The following VTI1A variants were observed in gnomAD, a reference collection of about 807,000 sequenced individuals.
VTI1A encodes the protein vesicle transport through interaction with t-SNAREs homolog 1A.
Under a neutral mutation model 34.9 loss-of-function variants are expected in VTI1A, and 22 were observed. That is an observed-to-expected ratio of 0.63 (90% confidence interval 0.45 to 0.90). The LOEUF (loss-of-function observed/expected upper bound fraction) is 0.90, where lower values mean the gene tolerates loss of function less well. VTI1A is among the 40% of genes least tolerant of loss of function. The probability of loss-of-function intolerance (pLI) is 0.00; values close to 1 mark genes in which losing one functional copy is unlikely to be tolerated. For missense variants in VTI1A, 268 were observed against 275.6 expected, an observed-to-expected ratio of 0.97 and a Z score of 0.20; for synonymous variants, 87 against 97.3, an observed-to-expected ratio of 0.89 and a Z score of 0.62.
chr10:112,820,102 C>G (rs867400209), downstream of VTI1A, among the ~76,000 whole-genome samples: 2 of 152,202 alleles, frequency 1.3e-5, no homozygotes. Flanking sequence ...GACCTGGCCT[C>G]AAGCCTCTTT....
intron 3 of VTI1A, among the ~76,000 whole-genome samples, chr10:112,500,159 G>A (rs1184515453): frequency 6.6e-6 from 1 of 152,270 alleles, no homozygotes; most frequent in African/African-American, 2.4e-5. Context: ...TGCCAAGGCC[G>A]GGTGTGGTGA....
intron 7 of VTI1A, among the ~76,000 whole-genome samples, chr10:112,773,350 T>G (rs1040070549): frequency 2.6e-5 from 4 of 152,168 alleles, no homozygotes; most frequent in African/African-American, 9.7e-5. Context: ...TGTTCACACT[T>G]ATCACACTCC....
At chr10:112,802,606 A>C (rs1329079926) in intron 7 of VTI1A, among the ~76,000 whole-genome samples, 4 of 152,196 alleles carry the variant, frequency 2.6e-5, no homozygotes, top group Non-Finnish European at 4.4e-5. Context: ...AGCTGTCCTC[A>C]CTGCAGTGGA....
intron 3 of VTI1A, among the ~76,000 whole-genome samples, chr10:112,509,278 C>T (rs1031266515): frequency 6.6e-6 from 1 of 152,128 alleles, no homozygotes; most frequent in African/African-American, 2.4e-5. Context: ...AAAGACAAAG[C>T]TGGAATTTGA....
intron 7 of VTI1A, among the ~76,000 whole-genome samples, chr10:112,774,547 AG>A (rs1015673856): frequency 5.3e-5 from 8 of 152,146 alleles, no homozygotes; most frequent in Admixed American, 2.6e-4. Flanking sequence ...AATTAATCTC[AG>A]GAGGAACAAC....
At chr10:112,823,256 G>A (rs1479171572), downstream of VTI1A, among the ~76,000 whole-genome samples, 1 of 152,234 alleles carries the variant, frequency 6.6e-6, no homozygotes, top group Non-Finnish European at 1.5e-5. Context: ...GACTGGCCTA[G>A]GAGAGGCCAG....
chr10:112,790,831 C>T (rs1450976076), intron 7 of VTI1A, among the ~76,000 whole-genome samples: 1 of 148,776 alleles, frequency 6.7e-6, no homozygotes, highest in Non-Finnish European at 1.5e-5. Context: ...CCTCTTCGCT[C>T]ATAGCTGGAA....
At chr10:112,846,276 A>G in the VTI1A span, among the ~76,000 whole-genome samples, 106,391 of 152,112 alleles carry the variant, frequency 0.7, 38,128 homozygotes, top group Middle Eastern at 0.82. Context: ...AAGGGGCATA[A>G]GAAGTCCCAT....
chr10:112,571,203 C>A (rs1300812914), intron 5 of VTI1A, among the ~76,000 whole-genome samples: 1 of 152,160 alleles, frequency 6.6e-6, no homozygotes, highest in Non-Finnish European at 1.5e-5. Flanking sequence ...TTCTTAGTTC[C>A]CCATTTTACT....
chr10:112,518,698 G>A (rs1589854984), intron 3 of VTI1A, among the ~76,000 whole-genome samples: 1 of 149,310 alleles, frequency 6.7e-6, no homozygotes, highest in African/African-American at 2.5e-5. Context: ...TTTTTAAAAT[G>A]TGTAAAGCTG....
At chr10:112,727,488 A>T (rs923992563) in intron 7 of VTI1A, among the ~76,000 whole-genome samples, 19 of 152,284 alleles carry the variant, frequency 1.2e-4, no homozygotes, top group African/African-American at 4.6e-4. Flanking sequence ...AAAAAATATG[A>T]TAGGAAATAA....
At chr10:112,461,247 T>TCTAGCAGCCTATAA (rs1847716067) in intron 2 of VTI1A, among the ~76,000 whole-genome samples, 1 of 152,170 alleles carries the variant, frequency 6.6e-6, no homozygotes, top group Admixed American at 6.5e-5. Context: ...TGTGCCACTT[T>TCTAGCAGCCTATAA]CTAGCAGCCT....
At chr10:112,753,509 C>T (rs1255551366) in intron 7 of VTI1A, among the ~76,000 whole-genome samples, 1 of 152,038 alleles carries the variant, frequency 6.6e-6, no homozygotes, top group Non-Finnish European at 1.5e-5. Context: ...GAGACAAAAC[C>T]TGTAATTACT....
intron 5 of VTI1A, among the ~76,000 whole-genome samples, chr10:112,661,454 T>C (rs998874479): frequency 6.6e-6 from 1 of 152,190 alleles, no homozygotes; most frequent in Non-Finnish European, 1.5e-5. Context: ...TTTCTGATGT[T>C]CATCATTCTT....
chr10:112,665,838 C>T (rs1290016348), intron 5 of VTI1A, among the ~76,000 whole-genome samples: 4 of 152,088 alleles, frequency 2.6e-5, no homozygotes, highest in African/African-American at 9.7e-5. Context: ...CAGATACTTA[C>T]AGGGGATATG....
At chr10:112,850,211 T>C in the VTI1A span, among the ~76,000 whole-genome samples, 1 of 152,114 alleles carries the variant, frequency 6.6e-6, no homozygotes, top group African/African-American at 2.4e-5. Flanking sequence ...GCACGGCCTA[T>C]TATTACCTGG....
chr10:112,478,868 A>T (rs1386651657), intron 3 of VTI1A, among the ~76,000 whole-genome samples: 3 of 151,022 alleles, frequency 2.0e-5, no homozygotes, highest in Admixed American at 2.0e-4. Context: ...ACACCCGGCA[A>T]CATTTAGAAG....
chr10:112,672,441 G>A lies in VTI1A; in HGVS notation c.560+3443G>A, dbSNP rs917935075. ...ATTTCCTGGAAAGTAATTTTTCTTC[G>A]ATCCTGACATGTGATGGAGAGCCAT... On this transcript the variant is annotated intron_variant, in intron 7 of 7. Transcript: ENST00000393077. Among the ~76,000 whole-genome samples, 7 of 152,222 alleles carry A rather than the reference G, an allele frequency of 4.6e-5. No homozygotes were observed. The East Asian group carries it at 1.2e-3, about 25-fold the overall frequency.
chr10:112,803,712 G>C (rs748801933), intron 7 of VTI1A, among the ~76,000 whole-genome samples: 1 of 152,146 alleles, frequency 6.6e-6, no homozygotes, highest in African/African-American at 2.4e-5. Context: ...GCTGCAGTGA[G>C]CTGTGATCGT....
Sources: allele counts gnomAD v4.1 joint callset (sites outside exome capture counted in the v4.1 genomes callset), GRCh38; gene constraint gnomAD v4.1.1; transcripts MANE v1.5; gene names NCBI Gene and HGNC (gene_info 2026-07-23, HGNC 2026-07-21).